AOPEP: variants seen among roughly 807,000 people sequenced by gnomAD.
The protein encoded by AOPEP is aminopeptidase O.
Under a neutral mutation model 98.1 loss-of-function variants are expected in AOPEP, and 77 were observed. The ratio of observed to expected loss-of-function variants is 0.78; its 90% CI spans 0.65 to 0.95. The LOEUF is 0.95. AOPEP is among the 40% of genes least tolerant of loss of function. The pLI is 0.00. For synonymous variants in AOPEP, 346 were observed against 365.3 expected (o/e 0.95, Z 0.60); for missense variants, 1,024 against 1,024.7 (o/e 1.00, Z 0.01).
At chr9:94,732,437 A>C (rs72747019) in intron 1 of AOPEP, among the ~76,000 whole-genome samples, 5,970 of 152,278 alleles carry the variant, frequency 0.039, 161 homozygotes, top group Admixed American at 0.071. Context: ...GGTGGCATTA[A>C]AAGCCTTGGA....
At chr9:94,938,001 G>A (rs944089734) in intron 7 of AOPEP, among the ~76,000 whole-genome samples, 2 of 152,102 alleles carry the variant, frequency 1.3e-5, no homozygotes, top group African/African-American at 4.8e-5. Context: ...AGCCTCCCGA[G>A]TAGCTGGGAC....
At chr9:94,953,513 T>C (rs1335463862) in intron 7 of AOPEP, among the ~76,000 whole-genome samples, 2 of 152,194 alleles carry the variant, frequency 1.3e-5, no homozygotes, top group African/African-American at 4.8e-5. Flanking sequence ...TCTGTATCCC[T>C]GGCCCTTGCT....
intron 5 of AOPEP, among the ~76,000 whole-genome samples, chr9:94,867,694 C>T (rs1342981782): frequency 6.6e-6 from 1 of 152,142 alleles, no homozygotes; most frequent in East Asian, 1.9e-4. Context: ...AACACCTTGG[C>T]CTGAAGTTAG....
chr9:94,923,742 C>T (rs1467574341), intron 5 of AOPEP, among the ~76,000 whole-genome samples: 3 of 152,274 alleles, frequency 2.0e-5, no homozygotes, highest in African/African-American at 7.2e-5. Context: ...TTACTTATTA[C>T]AGGTAATAGC....
intron 1 of AOPEP, among the ~76,000 whole-genome samples, chr9:94,739,743 G>A (rs950657445): frequency 2.0e-5 from 3 of 152,066 alleles, no homozygotes; most frequent in African/African-American, 4.8e-5. Flanking sequence ...CAGACCAGGC[G>A]TCTCTCCTTG....
intron 13 of AOPEP, among the ~76,000 whole-genome samples, chr9:95,041,446 G>GGT (rs57837059): frequency 0.015 from 2,164 of 142,084 alleles, 47 homozygotes; most frequent in African/African-American, 0.051. Context: ...AGTCCTTGGG[G>GGT]GTGTGTGTGT....
At chr9:95,045,709 T>A (rs2065805131) in intron 13 of AOPEP, among the ~76,000 whole-genome samples, 1 of 152,208 alleles carries the variant, frequency 6.6e-6, no homozygotes, top group African/African-American at 2.4e-5. Flanking sequence ...ATTGTGGTCC[T>A]CGTGCTTCTA....
rs12682988 is a variant in AOPEP, at chr9:94,763,781, C to T, written c.797+3201C>T. 6.6e-5 allele frequency among the ~76,000 whole-genome samples: 10 copies of T among 152,244 alleles called. No homozygotes were observed. In the East Asian group the frequency reaches 1.4e-3, roughly 21 times the overall value. On this transcript the variant is annotated intron_variant, in intron 2 of 16. Coordinates refer to ENST00000375315, the MANE Select transcript of AOPEP (RefSeq NM_001193329.3). ...CCGTCCGAAAGAGCTCCTCATGCCC[C>T]AAGCCAAGCAACAAAACATATCAAG... is the stretch of plus-strand genomic sequence containing the variant.
the AOPEP span, among the ~76,000 whole-genome samples, chr9:95,118,070 G>A: frequency 1.3e-5 from 2 of 152,062 alleles, no homozygotes; most frequent in African/African-American, 4.8e-5. Flanking sequence ...GCAGGCTGGA[G>A]TGCAGAGGCA....
chr9:94,925,214 C>T (rs1340299119), intron 6 of AOPEP, among the ~76,000 whole-genome samples: 2 of 152,236 alleles, frequency 1.3e-5, no homozygotes, highest in African/African-American at 4.8e-5. Flanking sequence ...TGGTCTCGAA[C>T]TCCTGACCTC....
chr9:94,984,836 T>C (rs892199265), intron 11 of AOPEP, among the ~76,000 whole-genome samples: 3 of 152,230 alleles, frequency 2.0e-5, no homozygotes, highest in Admixed American at 2.0e-4. Context: ...GTCTGTATTT[T>C]TGTCAAATGC....
the AOPEP span, chr9:95,107,221 T>G: frequency 6.2e-7 from 1 of 1,614,186 alleles, no homozygotes; most frequent in Non-Finnish European, 8.5e-7. Flanking sequence ...GAGAGGCTGC[T>G]GCTTCTGGAC....
chr9:94,739,644 CAAA>C (rs56210021), intron 1 of AOPEP, among the ~76,000 whole-genome samples: 6 of 79,396 alleles, frequency 7.6e-5, no homozygotes, highest in Admixed American at 1.2e-4. Context: ...AACTTCGTCT[CAAA>C]AAAAAAAAAA....
At chr9:95,106,040 C>A in the AOPEP span, among the ~76,000 whole-genome samples, 2 of 152,202 alleles carry the variant, frequency 1.3e-5, no homozygotes, top group African/African-American at 4.8e-5. Context: ...GAGGAACCAC[C>A]CCATTCTTCT....
chr9:94,852,298 T>C (rs1056880733), intron 5 of AOPEP, among the ~76,000 whole-genome samples: 1 of 152,194 alleles, frequency 6.6e-6, no homozygotes. Flanking sequence ...CCCCAGATGA[T>C]TTTAATGAGT....
intron 5 of AOPEP, among the ~76,000 whole-genome samples, chr9:94,829,683 G>T (rs772789628): frequency 2.0e-5 from 3 of 149,886 alleles, no homozygotes; most frequent in Non-Finnish European, 4.4e-5. Context: ...CTGGCCACAT[G>T]TCAGATATGT....
At chr9:94,844,445 G>A (rs899807814) in intron 5 of AOPEP, among the ~76,000 whole-genome samples, 1 of 152,086 alleles carries the variant, frequency 6.6e-6, no homozygotes, top group Non-Finnish European at 1.5e-5. Flanking sequence ...TGGTCAAATC[G>A]GAGTAATTAT....
chr9:94,809,063 C>T (rs966977952), intron 5 of AOPEP, among the ~76,000 whole-genome samples: 2 of 152,152 alleles, frequency 1.3e-5, no homozygotes, highest in Admixed American at 6.6e-5. Context: ...CATGTATCAA[C>T]GGACAGGTGT....
chr9:95,031,772 C>T (rs926539018), intron 13 of AOPEP, among the ~76,000 whole-genome samples: 1 of 152,174 alleles, frequency 6.6e-6, no homozygotes, highest in Non-Finnish European at 1.5e-5. Flanking sequence ...TTTCATGCTC[C>T]CTTTTGGAAA....
Sources: gnomAD v4.1 joint callset for allele counts (sites outside exome capture counted in the v4.1 genomes callset) on GRCh38, gnomAD v4.1.1 for gene constraint, MANE v1.5 for transcripts, NCBI Gene and HGNC (gene_info 2026-07-23, HGNC 2026-07-21) for gene names.